The following GLIS1 variants were observed in gnomAD, a reference collection of about 807,000 sequenced individuals.
GLIS1 encodes zinc finger protein GLIS1.
GLIS1 carries 24 observed loss-of-function variants against 63.8 expected under a neutral mutation model. That is an observed-to-expected ratio of 0.38 (90% confidence interval 0.27 to 0.53). The LOEUF is 0.53. GLIS1 is among the 20% of genes least tolerant of loss of function. The probability of loss-of-function intolerance (pLI) is 0.85; values close to 1 mark genes in which losing one functional copy is unlikely to be tolerated. For synonymous variants in GLIS1, 450 were observed against 482.5 expected (o/e 0.93, Z 0.88); for missense variants, 1,036 against 1,074.1 (o/e 0.96, Z 0.50).
chr1:53,698,480 C>A (rs1180365190), intron 2 of GLIS1, among the ~76,000 whole-genome samples: 1 of 152,248 alleles, frequency 6.6e-6, no homozygotes, highest in Non-Finnish European at 1.5e-5. Context: ...AGACTGGCTG[C>A]CCTGCCTAGT....
intron 4 of GLIS1, among the ~76,000 whole-genome samples, chr1:53,543,377 G>A (rs1644663988): frequency 6.6e-6 from 1 of 152,162 alleles, no homozygotes; most frequent in South Asian, 2.1e-4. Flanking sequence ...CTAGACAGAA[G>A]GTGCCACCGT....
At chr1:53,546,645 A>G (rs1406525943) in intron 4 of GLIS1, among the ~76,000 whole-genome samples, 1 of 152,208 alleles carries the variant, frequency 6.6e-6, no homozygotes, top group Non-Finnish European at 1.5e-5. Flanking sequence ...AGCAGTGCCA[A>G]TACACCAGCA....
At chr1:53,638,426 A>AAAGATGACG (rs1645750215) in intron 2 of GLIS1, among the ~76,000 whole-genome samples, 2 of 152,172 alleles carry the variant, frequency 1.3e-5, no homozygotes, top group South Asian at 4.1e-4. Context: ...GCCCCAGCTG[A>AAAGATGACG]AAGATGACGC....
intron 2 of GLIS1, among the ~76,000 whole-genome samples, chr1:53,605,073 G>C (rs1370793874): frequency 6.6e-6 from 1 of 151,986 alleles, no homozygotes. Context: ...AGCAGTGAGA[G>C]AGACAGGATT....
chr1:53,622,427 C>CAAAAAAAAAAAAAAAAAA (rs60923620), intron 2 of GLIS1, among the ~76,000 whole-genome samples: 2 of 132,300 alleles, frequency 1.5e-5, no homozygotes, highest in Non-Finnish European at 3.2e-5. Flanking sequence ...GACTATGTCT[C>CAAAAAAAAAAAAAAAAAA]AAAAAAAAAA....
At chr1:53,601,264 T>C (rs1645314986) in intron 2 of GLIS1, among the ~76,000 whole-genome samples, 1 of 152,200 alleles carries the variant, frequency 6.6e-6, no homozygotes, top group Admixed American at 6.5e-5. Context: ...CCAGTGATGC[T>C]GTGAGCCTCT....
rs12731693 is a variant in GLIS1, at chr1:53,539,750, T to C, written c.1321-9798A>G. 0.41 allele frequency among the ~76,000 whole-genome samples: 61,712 copies of C among 151,928 alleles called. 12,826 individuals carry two copies. Among genetic ancestry groups the C allele is most frequent in the African/African-American group, 0.46 (19,239 of 41,416 alleles). ...TGCCCCACGCATAGCACAGCACACG[T>C]GGAAACTGGCCACCTGGAACATGGA... On this transcript the variant is annotated intron_variant, in intron 4 of 10. Coordinates refer to ENST00000628545, the MANE Select transcript of GLIS1 (RefSeq NM_001367484.1). The surrounding 1 kb of genome is among the most constrained non-coding windows in gnomAD (Gnocchi z 5.0).
intron 2 of GLIS1, among the ~76,000 whole-genome samples, chr1:53,652,233 G>T (rs369000778): frequency 1.3e-5 from 2 of 152,160 alleles, no homozygotes; most frequent in African/African-American, 4.8e-5. Flanking sequence ...TCAAAGGTTG[G>T]GCCCCTTTCT....
chr1:53,587,626 A>C (rs1307750752), intron 4 of GLIS1, among the ~76,000 whole-genome samples: 4 of 152,216 alleles, frequency 2.6e-5, no homozygotes, highest in African/African-American at 9.6e-5. Context: ...CTACTCCAAG[A>C]CAGAACAAAG....
At chr1:53,579,720 G>A (rs966240072) in intron 4 of GLIS1, among the ~76,000 whole-genome samples, 1 of 152,230 alleles carries the variant, frequency 6.6e-6, no homozygotes, top group Non-Finnish European at 1.5e-5. Context: ...GGGCAGCCGT[G>A]GGGGCAGAGC....
At chr1:53,717,943 C>G (rs922281049) in intron 2 of GLIS1, among the ~76,000 whole-genome samples, 1 of 152,190 alleles carries the variant, frequency 6.6e-6, no homozygotes, top group African/African-American at 2.4e-5. Context: ...TCTGCCCATG[C>G]GAAGCATCCA....
chr1:53,583,910 G>C (rs1309712997), intron 4 of GLIS1, among the ~76,000 whole-genome samples: 2 of 152,218 alleles, frequency 1.3e-5, no homozygotes, highest in Non-Finnish European at 2.9e-5. Context: ...TGGCAAATGT[G>C]CTGGAGGCAG....
chr1:53,509,777 C>G (rs1569711504), intron 9 of GLIS1, 72 bp downstream of exon 9: 1 of 952,058 alleles, frequency 1.1e-6, no homozygotes, highest in Admixed American at 4.2e-5. Flanking sequence ...AGGTCACTGT[C>G]TCCTCGTTCC....
chr1:53,725,645 T>C (rs1646798426), intron 2 of GLIS1, among the ~76,000 whole-genome samples: 1 of 152,180 alleles, frequency 6.6e-6, no homozygotes, highest in Non-Finnish European at 1.5e-5. Context: ...TGGTTCTCCA[T>C]GGTGTCCCAG....
intron 2 of GLIS1, among the ~76,000 whole-genome samples, chr1:53,731,040 G>C (rs182654546): frequency 8.5e-5 from 13 of 152,186 alleles, no homozygotes; most frequent in Admixed American, 6.5e-4. Context: ...AGGAATTCTC[G>C]TCCAACAGAT....
intron 4 of GLIS1, among the ~76,000 whole-genome samples, chr1:53,576,782 C>G (rs1482492165): frequency 6.6e-6 from 1 of 152,170 alleles, no homozygotes; most frequent in Non-Finnish European, 1.5e-5. Flanking sequence ...AGCACAGGCT[C>G]GAGGGCTCAA....
intron 2 of GLIS1, among the ~76,000 whole-genome samples, chr1:53,621,863 TGCAGTG>T (rs1645546742): frequency 6.6e-6 from 1 of 151,912 alleles, no homozygotes; most frequent in Non-Finnish European, 1.5e-5. Context: ...CAGGTTGGAG[TGCAGTG>T]GTGCAATCTC....
chr1:53,668,084 G>A (rs998734740), intron 2 of GLIS1, among the ~76,000 whole-genome samples: 4 of 152,146 alleles, frequency 2.6e-5, no homozygotes, highest in Non-Finnish European at 5.9e-5. Context: ...CCATTGCACA[G>A]AGCAACAATA....
chr1:53,726,210 C>G (rs1382346867), intron 2 of GLIS1, among the ~76,000 whole-genome samples: 1 of 152,072 alleles, frequency 6.6e-6, no homozygotes, highest in Non-Finnish European at 1.5e-5. Flanking sequence ...GATGGAAGGT[C>G]CAACAGGTGG....
Sources: gnomAD v4.1 joint callset for allele counts (sites outside exome capture counted in the v4.1 genomes callset) on GRCh38, gnomAD v4.1.1 for gene constraint, Gnocchi (gnomAD v3.1) non-coding constraint, MANE v1.5 for transcripts, NCBI Gene and HGNC (gene_info 2026-07-23, HGNC 2026-07-21) for gene names.